The following POLR2F variants were observed in gnomAD, a reference collection of about 807,000 sequenced individuals.
The protein encoded by POLR2F is DNA-directed RNA polymerases I, II, and III subunit RPABC2.
In POLR2F, 12 loss-of-function variants were observed where a neutral mutation model predicts 22.7. The ratio of observed to expected loss-of-function variants is 0.53; its 90% CI spans 0.34 to 0.86. POLR2F has a LOEUF of 0.86. Among genes scored for constraint, POLR2F ranks in the 40% least tolerant of loss-of-function variants. The pLI is 0.02. For synonymous variants in POLR2F, 57 were observed against 66.0 expected, an observed-to-expected ratio of 0.86 and a Z score of 0.66; for missense variants, 126 against 171.5, an observed-to-expected ratio of 0.73 and a Z score of 1.48.
chr22:37,994,759 G>A (rs2084696534), intron 1 of POLR2F, among the ~76,000 whole-genome samples: 1 of 152,188 alleles, frequency 6.6e-6, no homozygotes, highest in Admixed American at 6.5e-5. Context: ...ACCCGCCTTG[G>A]CCTCCCAAGG....
chr22:37,973,564 G>A (rs769251630), downstream of POLR2F: 1 of 1,612,820 alleles, frequency 6.2e-7, no homozygotes, highest in East Asian at 2.2e-5. Context: ...GGGGCCCTGA[G>A]GGGCTGGGGT....
At chr22:38,023,148 G>C (rs1331998744) in intron 1 of POLR2F, among the ~76,000 whole-genome samples, 2 of 152,224 alleles carry the variant, frequency 1.3e-5, no homozygotes, top group Admixed American at 1.3e-4. Context: ...GGCTGTGATA[G>C]GGACTGGGAG....
At chr22:38,034,400 G>A (rs2085094982) in intron 5 of POLR2F, among the ~76,000 whole-genome samples, 1 of 152,210 alleles carries the variant, frequency 6.6e-6, no homozygotes, top group South Asian at 2.1e-4. Context: ...TGGCCACGTG[G>A]CGGCAGGCAG....
chr22:37,975,651 G>T (rs1054683008), intron 4 of POLR2F, among the ~76,000 whole-genome samples: 5 of 152,208 alleles, frequency 3.3e-5, no homozygotes, highest in Non-Finnish European at 7.3e-5. Flanking sequence ...GCCAAGTCCT[G>T]CATTGGCCAA....
chr22:38,003,020 C>T (rs772565813), intron 1 of POLR2F, among the ~76,000 whole-genome samples: 8 of 152,018 alleles, frequency 5.3e-5, no homozygotes, highest in Non-Finnish European at 8.8e-5. Context: ...CCACCGCGCC[C>T]GGCCAACTTT....
At chr22:38,010,770 C>T (rs1275568596) in intron 1 of POLR2F, among the ~76,000 whole-genome samples, 3 of 151,810 alleles carry the variant, frequency 2.0e-5, no homozygotes, top group Non-Finnish European at 4.4e-5. Context: ...GAGCACCCCA[C>T]CACGACCAGC....
chr22:37,975,954 TAGG>T (rs1356367418), intron 4 of POLR2F, among the ~76,000 whole-genome samples: 1 of 151,906 alleles, frequency 6.6e-6, no homozygotes, highest in Non-Finnish European at 1.5e-5. Flanking sequence ...TAGTAAGAGA[TAGG>T]AGGCTGGGCG....
intron 1 of POLR2F, among the ~76,000 whole-genome samples, chr22:38,013,698 C>A (rs1226393393): frequency 6.6e-6 from 1 of 152,214 alleles, no homozygotes; most frequent in Non-Finnish European, 1.5e-5. Flanking sequence ...CCACATTCTT[C>A]TGTTTCATTC....
chr22:37,956,781 G>A lies in POLR2F; in HGVS notation c.29G>A (p.Gly10Asp), dbSNP rs776402958. The A allele has an allele frequency of 3.7e-6, 6 of 1,613,746 alleles. No homozygotes were observed. The South Asian group carries it at 6.6e-5, about 18-fold the overall frequency. Residue 10 changes from glycine (G) to aspartate (D), a missense_variant, in exon 2 of 5, where the codon GGC becomes GAC. Transcript: ENST00000442738. ...CTCTTCTTCCTGTACAGTTTTGATG[G>A]CGACGACTTTGATGATGTGGAGGAG... Reference protein sequence around the residue: MSDNEDNFDGDDFDDVEEDE... With the variant: MSDNEDNFDDDDFDDVEEDE...
intron 1 of POLR2F, chr22:37,987,316 C>T: frequency 2.2e-6 from 1 of 456,532 alleles, no homozygotes; most frequent in Non-Finnish European, 4.4e-6. Flanking sequence ...AGAAGATGGG[C>T]CCCAGAGAGG....
intron 1 of POLR2F, among the ~76,000 whole-genome samples, chr22:37,992,563 T>G (rs1932748998): frequency 6.6e-6 from 1 of 152,108 alleles, no homozygotes; most frequent in South Asian, 2.1e-4. Context: ...CTTTGCTAAT[T>G]TTTATACTTT....
rs1047345217 is a variant in POLR2F, at chr22:38,017,096, G to A, written c.121-8773G>A. On this transcript the variant is annotated intron_variant, in intron 1 of 2. Coordinates refer to the POLR2F transcript ENST00000333418. The surrounding 1 kb of genome is among the most constrained non-coding windows in gnomAD (Gnocchi z 4.1). Reference sequence around the variant, plus strand: ...AGCTGTGGGGCCGTGCCTGAGCGGGGCACGTGCCAGGGTCTGGGGTCTGCA... The same window carrying A: ...AGCTGTGGGGCCGTGCCTGAGCGGGACACGTGCCAGGGTCTGGGGTCTGCA... 9.2e-5 allele frequency among the ~76,000 whole-genome samples: 14 copies of A among 152,322 alleles called. No homozygotes were observed. In the East Asian group the frequency reaches 2.7e-3, roughly 29 times the overall value.
chr22:37,969,695 T>C (rs1031519838), downstream of POLR2F, among the ~76,000 whole-genome samples: 1 of 152,184 alleles, frequency 6.6e-6, no homozygotes, highest in African/African-American at 2.4e-5. Context: ...GTTGTAAAGA[T>C]TATAAACACA....
chr22:37,972,258 C>T (rs79296152), downstream of POLR2F: 1,083 of 1,301,870 alleles, frequency 8.3e-4, 11 homozygotes, highest in African/African-American at 0.015. Context: ...TGAGGAAGCA[C>T]CAGTACAGGG....
chr22:37,992,585 G>A (rs956525888), intron 1 of POLR2F, among the ~76,000 whole-genome samples: 4 of 152,106 alleles, frequency 2.6e-5, no homozygotes, highest in Non-Finnish European at 5.9e-5. Context: ...AGTAGAGACG[G>A]ATGGGGTTTC....
chr22:37,979,072 C>T lies in POLR2F; in HGVS notation c.293+11902C>T, dbSNP rs552459047. ...GATTACAGGCATGAGCCATTGTGCC[C>T]AGCCCAAGAGGTACTTTTCTATTTT... On this transcript the variant is annotated intron_variant, in intron 4 of 4. Coordinates refer to the POLR2F transcript ENST00000405557. 4.0e-5 allele frequency among the ~76,000 whole-genome samples: 6 copies of T among 151,778 alleles called. No individual in the cohort carries two copies. The East Asian group carries it at 1.2e-3, about 29-fold the overall frequency.
chr22:37,973,814 G>C (rs776999856), downstream of POLR2F: 60 of 1,599,356 alleles, frequency 3.8e-5, no homozygotes, highest in Non-Finnish European at 5.1e-5. Flanking sequence ...CTGGGGCCCC[G>C]CGGTCTCTGT....
intron 5 of POLR2F, among the ~76,000 whole-genome samples, chr22:38,036,126 C>T (rs2085114163): frequency 6.6e-6 from 1 of 152,058 alleles, no homozygotes; most frequent in Admixed American, 6.5e-5. Context: ...CAGGCGTCTG[C>T]CACTGCACCT....
intron 1 of POLR2F, among the ~76,000 whole-genome samples, chr22:38,007,400 G>A (rs2084830999): frequency 6.6e-6 from 1 of 152,120 alleles, no homozygotes; most frequent in South Asian, 2.1e-4. Flanking sequence ...GACAGAAGGG[G>A]GACTTAGCAG....
Sources: allele counts gnomAD v4.1 joint callset (sites outside exome capture counted in the v4.1 genomes callset), GRCh38; gene constraint gnomAD v4.1.1; non-coding constraint Gnocchi (gnomAD v3.1); transcripts MANE v1.5; gene names NCBI Gene and HGNC (gene_info 2026-07-23, HGNC 2026-07-21).